PRRC1: variants seen among roughly 807,000 people sequenced by gnomAD.
PRRC1 encodes the protein protein PRRC1.
In PRRC1, 39 loss-of-function variants were observed where a neutral mutation model predicts 40.7. That is an observed-to-expected ratio of 0.96 (90% CI 0.74 to 1.25). PRRC1 has a LOEUF of 1.25. Ranked by LOEUF, PRRC1 falls within the 50% of genes most tolerant of loss-of-function variation. PRRC1 has a pLI of 0.00. For missense variants in PRRC1, 573 were observed against 548.3 expected, an observed-to-expected ratio of 1.05 and a Z score of -0.45; for synonymous variants, 175 against 193.3, an observed-to-expected ratio of 0.91 and a Z score of 0.79.
intron 6 of PRRC1, among the ~76,000 whole-genome samples, chr5:127,537,021 T>C (rs955118481): frequency 1.3e-5 from 2 of 151,888 alleles, no homozygotes; most frequent in African/African-American, 4.8e-5. Context: ...CTTTTAAAAA[T>C]AGGAAATTAT....
At position 127,526,794 on chromosome 5, in the gene PRRC1, A is replaced by T. The variant is rs956847458; in HGVS notation, c.654+16A>T. On this transcript the variant is annotated intron_variant, in intron 4 of 8. Coordinates refer to ENST00000296666, the MANE Select transcript of PRRC1 (RefSeq NM_130809.5). ...TTTTATTAAGGTAAGACGTGTTTAA[A>T]AATTATGTTTAATTTTCTAATTATA... The T allele has an allele frequency of 6.5e-6, 10 of 1,536,020 alleles. No individual in the cohort carries two copies. Among genetic ancestry groups the T allele is most frequent in the Non-Finnish European group, 7.9e-6 (9 of 1,141,238 alleles).
At chr5:127,531,642 A>G (rs1221776609) in intron 5 of PRRC1, among the ~76,000 whole-genome samples, 1 of 20,614 alleles carries the variant, frequency 4.9e-5, no homozygotes, top group Non-Finnish European at 9.6e-5. Flanking sequence ...TTTTTTTTTG[A>G]GACAGAGTCT....
rs2127122171 is a variant in PRRC1, at chr5:127,552,436, C to G, written c.*520C>G. ...AGACACCTACTTGTCGGGAGATGTT[C>G]CACATTTCTGTGCATGTTTTCAGTA... On this transcript the variant is annotated 3_prime_UTR_variant, in exon 9 of 9. Coordinates refer to ENST00000296666, the MANE Select transcript of PRRC1 (RefSeq NM_130809.5). 2.0e-6 allele frequency: 2 copies of G among 987,110 alleles called. No homozygotes were observed. The highest frequency in any genetic ancestry group is 2.4e-6 in the Non-Finnish European group (2 of 830,760). 61.1% of individuals were successfully genotyped at this position (987,110 alleles called of 1,614,324 possible).
rs1201255817 is a variant in PRRC1 at position 127,552,376 on chromosome 5, G to A, written c.*460G>A. ...TTTTGTATGTGCACACGATCTCAGG[G>A]CTGGTGCTGAGCAGCCTGCTCAACA... On this transcript the variant is annotated 3_prime_UTR_variant, in exon 9 of 9. Coordinates refer to ENST00000296666, the MANE Select transcript of PRRC1 (RefSeq NM_130809.5). 1 of 1,005,154 alleles carries A rather than the reference G, an allele frequency of 9.9e-7. No homozygotes were observed. Among genetic ancestry groups the A allele is most frequent in the Non-Finnish European group, 1.2e-6 (1 of 840,808 alleles). The allele number at this position is 1,005,154 out of a possible 1,614,324, so 62.3% of individuals were successfully genotyped here. A position where few individuals can be genotyped will look rare whatever the true frequency, so the allele number is the denominator to read the frequency against.
At chr5:127,551,599 AT>A in intron 8 of PRRC1, 107 bp from the exon 9 acceptor site, 10 of 1,173,258 alleles carry the variant, frequency 8.5e-6, no homozygotes, top group Non-Finnish European at 1.2e-5. Context: ...AGAGTTTGTC[AT>A]AATCTATATT....
intron 7 of PRRC1, among the ~76,000 whole-genome samples, chr5:127,543,772 G>T (rs369755675): frequency 1.7e-4 from 26 of 151,974 alleles, no homozygotes; most frequent in Middle Eastern, 3.2e-3. Context: ...TTATACATTC[G>T]TCTAAATTTT....
At chr5:127,520,028 T>A (rs1240897133) in intron 1 of PRRC1, among the ~76,000 whole-genome samples, 2 of 152,228 alleles carry the variant, frequency 1.3e-5, no homozygotes, top group African/African-American at 4.8e-5. Flanking sequence ...TGAACTTATT[T>A]ACTTTTCTCC....
intron 1 of PRRC1, 79 bp downstream of exon 1, chr5:127,517,855 A>G (rs919095295): frequency 6.6e-6 from 1 of 152,122 alleles, no homozygotes; most frequent in East Asian, 1.9e-4. Context: ...CCAGAGCCAG[A>G]CCCCGAGGGA....
At chr5:127,533,857 TTGTC>T in intron 6 of PRRC1, 71 bp downstream of exon 6, 1 of 1,517,012 alleles carries the variant, frequency 6.6e-7, no homozygotes, top group East Asian at 2.3e-5. Flanking sequence ...TGATAATCTG[TTGTC>T]TCTATGGAGC....
At chr5:127,543,153 A>C (rs1216275742) in intron 7 of PRRC1, among the ~76,000 whole-genome samples, 1 of 152,144 alleles carries the variant, frequency 6.6e-6, no homozygotes, top group African/African-American at 2.4e-5. Flanking sequence ...GCTGGATATG[A>C]AATTCTGGGT....
intron 7 of PRRC1, among the ~76,000 whole-genome samples, chr5:127,544,549 G>A (rs923412806): frequency 3.3e-5 from 5 of 152,218 alleles, no homozygotes; most frequent in South Asian, 4.1e-4. Flanking sequence ...CGAGCTTCCC[G>A]GCTGTTTTGT....
intron 8 of PRRC1, 49 bp downstream of exon 8, chr5:127,547,970 T>A: frequency 8.6e-7 from 1 of 1,158,338 alleles, no homozygotes; most frequent in Non-Finnish European, 1.3e-6. Context: ...AAACTTACAC[T>A]ATTGTTTTCA....
chr5:127,547,298 A>C (rs1768252883), intron 7 of PRRC1, among the ~76,000 whole-genome samples: 1 of 152,140 alleles, frequency 6.6e-6, no homozygotes, highest in Admixed American at 6.5e-5. Flanking sequence ...AGACTGACTC[A>C]TTGTGAATAA....
At chr5:127,545,350 C>T (rs553909667) in intron 7 of PRRC1, among the ~76,000 whole-genome samples, 91 of 152,038 alleles carry the variant, frequency 6.0e-4, no homozygotes, top group African/African-American at 1.4e-3. Context: ...ATGTTTATTG[C>T]GGCACTATTC....
intron 7 of PRRC1, among the ~76,000 whole-genome samples, chr5:127,544,573 T>C (rs1447662197): frequency 6.6e-6 from 1 of 152,208 alleles, no homozygotes; most frequent in Non-Finnish European, 1.5e-5. Context: ...CCTAAGCAAG[T>C]CTGGGCAATG....
At chr5:127,538,946 A>G in intron 6 of PRRC1, 94 bp from the exon 7 acceptor site, 1 of 816,230 alleles carries the variant, frequency 1.2e-6, no homozygotes, top group Non-Finnish European at 2.0e-6. Flanking sequence ...ATGTGTTTGC[A>G]TATAAATGTA....
At chr5:127,525,291 CACTTAAATATTTA>C (rs944876431) in intron 3 of PRRC1, among the ~76,000 whole-genome samples, 1 of 152,172 alleles carries the variant, frequency 6.6e-6, no homozygotes, top group Non-Finnish European at 1.5e-5. Flanking sequence ...TAAATATTTT[CACTTAAATATTTA>C]ACTTAAATAT....
At chr5:127,544,036 T>G (rs1580948109) in intron 7 of PRRC1, among the ~76,000 whole-genome samples, 1 of 152,140 alleles carries the variant, frequency 6.6e-6, no homozygotes, top group Non-Finnish European at 1.5e-5. Flanking sequence ...GATGGTGATG[T>G]ACAGATGGGT....
intron 1 of PRRC1, among the ~76,000 whole-genome samples, chr5:127,518,466 T>C (rs943091507): frequency 6.6e-6 from 1 of 152,246 alleles, no homozygotes; most frequent in Non-Finnish European, 1.5e-5. Context: ...TCATTCGAAG[T>C]AGTTATTTTG....
Sources: gnomAD v4.1 joint callset for allele counts (sites outside exome capture counted in the v4.1 genomes callset) on GRCh38, gnomAD v4.1.1 for gene constraint, MANE v1.5 for transcripts, NCBI Gene and HGNC (gene_info 2026-07-23, HGNC 2026-07-21) for gene names.